The following NLGN3 variants were observed in gnomAD, a reference collection of about 807,000 sequenced individuals.
NLGN3 encodes the protein neuroligin-3.
In NLGN3, 11 loss-of-function variants were observed where a neutral mutation model predicts 42.9. The observed-to-expected ratio is 0.26, with a 90% CI of 0.16 to 0.42. NLGN3 has a LOEUF of 0.42. Ranked by LOEUF, NLGN3 falls within the 10% of genes least tolerant of loss-of-function variation. NLGN3 has a pLI of 1.00. For synonymous variants in NLGN3, 279 were observed against 312.7 expected (o/e 0.89, Z 1.14); for missense variants, 374 against 733.8 (o/e 0.51, Z 5.67).
intron 5 of NLGN3, 125 bp downstream of exon 5, chrX:71,155,488 T>C (rs2092405607): frequency 9.9e-6 from 9 of 906,836 alleles, no homozygotes; most frequent in Non-Finnish European, 1.4e-5. Context: ...ACAGTCAAAA[T>C]GGTGTTATCC....
At chrX:71,158,854 T>G (rs984507244) in intron 5 of NLGN3, among the ~76,000 whole-genome samples, 1 of 111,752 alleles carries the variant, frequency 8.9e-6, no homozygotes, top group Admixed American at 9.5e-5. Context: ...GATATCCTGA[T>G]TTGCTGATTA....
chrX:71,157,823 T>G (rs920591484), intron 5 of NLGN3, among the ~76,000 whole-genome samples: 8 of 110,052 alleles, frequency 7.3e-5, no homozygotes, highest in Non-Finnish European at 1.1e-4. Context: ...AAAGTCGGTG[T>G]CCCCTTCATT....
At chrX:71,151,043 C>T (rs971223498) in intron 3 of NLGN3, among the ~76,000 whole-genome samples, 2 of 112,031 alleles carry the variant, frequency 1.8e-5, no homozygotes, top group African/African-American at 6.5e-5. Flanking sequence ...TTTGGCCGGG[C>T]GCGGTGGCTT....
At chrX:71,165,471 G>A (rs759587819) in intron 6 of NLGN3, among the ~76,000 whole-genome samples, 5 of 111,630 alleles carry the variant, frequency 4.5e-5, no homozygotes, top group Admixed American at 9.5e-5. Context: ...CTTTCCTGGA[G>A]TGGTGCTATG....
downstream of NLGN3, chrX:71,171,507 T>C (rs1324633384): frequency 1.4e-5 from 2 of 142,758 alleles, no homozygotes; most frequent in Non-Finnish European, 2.4e-5. Context: ...AATACTTCCT[T>C]CCTTCTCTGC....
At chrX:71,171,435 C>T (rs377663137), downstream of NLGN3, among the ~76,000 whole-genome samples, 406 of 109,997 alleles carry the variant, frequency 3.7e-3, 3 homozygotes, top group African/African-American at 0.013. Context: ...GCCCCCAGCG[C>T]GCTGGGTTCC....
chrX:71,146,012 T>C (rs999502418), intron 1 of NLGN3, among the ~76,000 whole-genome samples: 2 of 97,372 alleles, frequency 2.1e-5, no homozygotes, highest in Non-Finnish European at 4.1e-5. Context: ...CCGGGTGCAT[T>C]CTGGGCAGTG....
chrX:71,171,360 G>A (rs2092470911), downstream of NLGN3, among the ~76,000 whole-genome samples: 1 of 84,247 alleles, frequency 1.2e-5, no homozygotes, highest in Non-Finnish European at 2.4e-5. Context: ...GTTGGGGGTT[G>A]GGGGTTGGGG....
chrX:71,171,457 C>G (rs377649855), downstream of NLGN3, among the ~76,000 whole-genome samples: 1 of 110,062 alleles, frequency 9.1e-6, no homozygotes, highest in African/African-American at 3.3e-5. Flanking sequence ...GCAGCTGAAG[C>G]CTCCTCTCAG....
chrX:71,168,931 T>C (rs764809687), intron 7 of NLGN3, among the ~76,000 whole-genome samples: 1 of 109,632 alleles, frequency 9.1e-6, no homozygotes, highest in African/African-American at 3.3e-5. Flanking sequence ...CAGCAACTTC[T>C]GCTTGCTTAA....
At chrX:71,153,001 T>G (rs2147874973) in intron 3 of NLGN3, among the ~76,000 whole-genome samples, 1 of 111,983 alleles carries the variant, frequency 8.9e-6, no homozygotes, top group African/African-American at 3.2e-5. Context: ...TCTACACGTC[T>G]CTGCCCTAAG....
In NLGN3 at chrX:71,153,792, C is replaced by G. The variant is rs12393805; in HGVS notation, c.577+256C>G. Among the ~76,000 whole-genome samples the G allele has an allele frequency of 9.0e-3, 1,008 of 112,296 alleles. 12 individuals are homozygous for G. The highest frequency in any genetic ancestry group is 0.03 in the African/African-American group (938 of 30,902). On this transcript the variant is annotated intron_variant, in intron 4 of 7. Coordinates refer to ENST00000358741, the MANE Select transcript of NLGN3 (RefSeq NM_181303.2). ...ATCCTCCTTGCCTGGGTCTCCCGCCCCTTCCCCATCTTCTGTGGTTCAGAG... is the reference window on the plus strand; with the variant it reads ...ATCCTCCTTGCCTGGGTCTCCCGCCGCTTCCCCATCTTCTGTGGTTCAGAG...
chrX:71,153,510 C>T lies in NLGN3; in HGVS notation c.551C>T (p.Ala184Val), dbSNP rs759459838. The change falls in exon 4 of 8, where the codon GCG becomes GTG. Residue 184 changes from alanine to valine, a missense_variant. Transcript: ENST00000358741. ...GCTAAGAAACAGGGCGAGGACTTAG[C>T]GGATAATGACGGGGATGAAGATGAA... ...SGAKKQGEDL[A>V]DNDGDEDEDI... 2.5e-6 allele frequency: 3 copies of T among 1,207,352 alleles called. No homozygotes were observed. The highest frequency in any genetic ancestry group is 2.2e-5 in the Admixed American group (1 of 45,579).
At chrX:71,173,460 G>A (rs1265672176), downstream of NLGN3, among the ~76,000 whole-genome samples, 3 of 111,982 alleles carry the variant, frequency 2.7e-5, no homozygotes, top group African/African-American at 9.7e-5. Flanking sequence ...GCCAGCCCTG[G>A]GTCCAGCTAA....
rs1443176420 is a variant in NLGN3, at chrX:71,170,713, C to A, written c.*616C>A. On this transcript the variant is annotated 3_prime_UTR_variant, in exon 8 of 8. Transcript: ENST00000358741. ...ACAATCAGACCAAGGAACAAGACCC[C>A]CAGGAAGGAAACAGATTTAAGCAAG... 2.6e-6 allele frequency: 2 copies of A among 760,175 alleles called. No homozygotes were observed. The highest frequency in any genetic ancestry group is 3.1e-6 in the Non-Finnish European group (2 of 643,123). 62.6% of individuals were successfully genotyped at this position (760,175 alleles called of 1,213,427 possible).
intron 3 of NLGN3, among the ~76,000 whole-genome samples, chrX:71,151,493 G>C (rs73634866): frequency 2.7e-5 from 3 of 111,294 alleles, no homozygotes; most frequent in African/African-American, 9.8e-5. Context: ...ACCCATCCTC[G>C]GAGGTCGTTA....
At chrX:71,160,778 G>A (rs981349780) in intron 5 of NLGN3, among the ~76,000 whole-genome samples, 4 of 112,413 alleles carry the variant, frequency 3.6e-5, no homozygotes, top group Non-Finnish European at 7.5e-5. Context: ...CAGGCAAACC[G>A]AAAACCCAGT....
In NLGN3 at chrX:71,169,548, C is replaced by G. The variant is rs994206722; in HGVS notation, c.1998C>G (p.Thr666=). 1 of 1,210,529 alleles carries G rather than the reference C, an allele frequency of 8.3e-7. No individual in the cohort carries two copies. Among genetic ancestry groups the G allele is most frequent in the African/African-American group, 1.7e-5 (1 of 57,367 alleles). ...TCACCCGCAGGCCCAATGGCAAGAC[C>G]TGGAGCACCAAGCGGCCAGCCATCT... The part of the protein sequence containing the change: ...SHITRRPNGK[T]WSTKRPAISP... Residue 666 remains threonine, a synonymous_variant, in exon 8 of 8, where the codon ACC becomes ACG. Transcript: ENST00000358741.
At chrX:71,147,012 G>A (rs1234312178) in intron 1 of NLGN3, among the ~76,000 whole-genome samples, 2 of 111,220 alleles carry the variant, frequency 1.8e-5, no homozygotes, top group Non-Finnish European at 1.9e-5. Context: ...TGGCTGTCCC[G>A]CCCTCTGCCC....
Sources: gnomAD v4.1 joint callset for allele counts (sites outside exome capture counted in the v4.1 genomes callset) on GRCh38, gnomAD v4.1.1 for gene constraint, MANE v1.5 for transcripts, NCBI Gene and HGNC (gene_info 2026-07-23, HGNC 2026-07-21) for gene names.